Variants in KLHL1 observed in about 807,000 individuals in gnomAD.
The protein encoded by KLHL1 is kelch-like protein 1.
In KLHL1, 47 loss-of-function variants were observed where a neutral mutation model predicts 77.7. The ratio of observed to expected loss-of-function variants is 0.60; its 90% CI spans 0.48 to 0.77. The LOEUF is 0.77. Among genes scored for constraint, KLHL1 ranks in the 30% least tolerant of loss-of-function variants. KLHL1 has a pLI of 0.00. For synonymous variants in KLHL1, 360 were observed against 325.2 expected, an observed-to-expected ratio of 1.11 and a Z score of -1.15; for missense variants, 925 against 910.8, an observed-to-expected ratio of 1.02 and a Z score of -0.20.
At chr13:69,792,031 T>C (rs1876895952) in intron 7 of KLHL1, among the ~76,000 whole-genome samples, 1 of 152,156 alleles carries the variant, frequency 6.6e-6, no homozygotes, top group African/African-American at 2.4e-5. Flanking sequence ...ACCTAGGCGA[T>C]GGGTTGATAG....
At chr13:69,788,143 C>G in intron 7 of KLHL1, among the ~76,000 whole-genome samples, 2 of 152,212 alleles carry the variant, frequency 1.3e-5, no homozygotes. Context: ...CCATTTGACC[C>G]AGCCATCCCA....
intron 1 of KLHL1, among the ~76,000 whole-genome samples, chr13:70,016,018 T>C (rs567112065): frequency 7.8e-4 from 118 of 152,218 alleles, no homozygotes; most frequent in Non-Finnish European, 1.6e-3. Flanking sequence ...ATAGAAAGAT[T>C]AAAGGTTTTA....
intron 5 of KLHL1, among the ~76,000 whole-genome samples, chr13:69,865,579 G>A (rs187254063): frequency 1.3e-5 from 2 of 152,052 alleles, no homozygotes; most frequent in African/African-American, 4.8e-5. Context: ...AGATGTCACA[G>A]GAGTTTGGCA....
intron 1 of KLHL1, among the ~76,000 whole-genome samples, chr13:70,101,649 G>A (rs562963577): frequency 3.9e-5 from 6 of 151,906 alleles, no homozygotes; most frequent in South Asian, 2.1e-4. Flanking sequence ...GGCTGGTCTC[G>A]AACTCCTGAC....
intron 7 of KLHL1, among the ~76,000 whole-genome samples, chr13:69,778,099 A>C (rs185750129): frequency 6.6e-6 from 1 of 152,096 alleles, no homozygotes; most frequent in Non-Finnish European, 1.5e-5. Context: ...AGAAGATAGT[A>C]AAACAGTTAA....
chr13:69,739,240 C>T (rs1466604341), intron 8 of KLHL1, among the ~76,000 whole-genome samples: 1 of 152,144 alleles, frequency 6.6e-6, no homozygotes, highest in Non-Finnish European at 1.5e-5. Context: ...TTTGCAAGAG[C>T]TCCTGAAGGA....
chr13:69,906,229 T>C (rs1280219795), intron 4 of KLHL1, among the ~76,000 whole-genome samples: 1 of 152,082 alleles, frequency 6.6e-6, no homozygotes, highest in Non-Finnish European at 1.5e-5. Flanking sequence ...GAAGTGAAGC[T>C]ATTTCTGTGA....
intron 1 of KLHL1, among the ~76,000 whole-genome samples, chr13:70,092,365 T>C (rs941888979): frequency 6.6e-6 from 1 of 152,144 alleles, no homozygotes; most frequent in South Asian, 2.1e-4. Flanking sequence ...TTCATGTTGC[T>C]TACTCCATTT....
chr13:70,024,863 T>A (rs151142564), intron 1 of KLHL1, among the ~76,000 whole-genome samples: 1 of 151,806 alleles, frequency 6.6e-6, no homozygotes, highest in African/African-American at 2.4e-5. Flanking sequence ...ACCAGAAGAG[T>A]CTTCCTGTGC....
chr13:69,782,422 G>C (rs140725751), intron 7 of KLHL1, among the ~76,000 whole-genome samples: 3,518 of 152,300 alleles, frequency 0.023, 133 homozygotes, highest in African/African-American at 0.081. Context: ...TCAAAGAAAG[G>C]GGTGACAGAC....
chr13:69,778,240 C>T (rs79082600), intron 7 of KLHL1, among the ~76,000 whole-genome samples: 12,451 of 151,956 alleles, frequency 0.082, 574 homozygotes, highest in Non-Finnish European at 0.1. Flanking sequence ...ATATAATCTA[C>T]GATGTCCTTG....
chr13:69,753,448 G>A (rs1238884755), intron 7 of KLHL1, among the ~76,000 whole-genome samples: 2 of 152,124 alleles, frequency 1.3e-5, no homozygotes, highest in Non-Finnish European at 2.9e-5. Flanking sequence ...GAGGAGACAA[G>A]TGATGATGCT....
At chr13:69,800,922 G>T (rs1877348165) in intron 6 of KLHL1, among the ~76,000 whole-genome samples, 1 of 152,100 alleles carries the variant, frequency 6.6e-6, no homozygotes, top group Admixed American at 6.6e-5. Flanking sequence ...ACTTGGAAGG[G>T]ATTCAAAATG....
intron 2 of KLHL1, among the ~76,000 whole-genome samples, chr13:69,962,297 CA>C (rs1288348912): frequency 1.3e-5 from 2 of 151,890 alleles, no homozygotes; most frequent in African/African-American, 4.8e-5. Context: ...TTGAGAAATT[CA>C]TAGATTCATC....
At position 69,946,803 on chromosome 13, in the gene KLHL1, C is replaced by T. The variant is rs546073088; in HGVS notation, c.818-6567G>A. Among the ~76,000 whole-genome samples the T allele has an allele frequency of 9.9e-5, 15 of 152,150 alleles. No homozygotes were observed. The South Asian group carries it at 2.7e-3, about 27-fold the overall frequency. On this transcript the variant is annotated intron_variant, in intron 3 of 10. Coordinates refer to ENST00000377844, the MANE Select transcript of KLHL1 (RefSeq NM_020866.3). Reference sequence around the variant, plus strand: ...GTTGTGATTTACAGGCATGAGCTACCATGCCTGGCCAATAATTTTTCTGAA... The same window carrying T: ...GTTGTGATTTACAGGCATGAGCTACTATGCCTGGCCAATAATTTTTCTGAA...
chr13:70,011,102 T>C (rs1289162004), intron 1 of KLHL1, among the ~76,000 whole-genome samples: 1 of 152,048 alleles, frequency 6.6e-6, no homozygotes, highest in Non-Finnish European at 1.5e-5. Context: ...GATCACCCAA[T>C]GACTACCTGT....
intron 9 of KLHL1, among the ~76,000 whole-genome samples, chr13:69,718,082 A>T (rs1405331341): frequency 6.6e-6 from 1 of 152,164 alleles, no homozygotes; most frequent in East Asian, 1.9e-4. Flanking sequence ...TTAGAAAAAA[A>T]TGTCATAAAT....
At chr13:69,968,584 G>A in intron 2 of KLHL1, among the ~76,000 whole-genome samples, 1 of 151,106 alleles carries the variant, frequency 6.6e-6, no homozygotes, top group African/African-American at 2.4e-5. Flanking sequence ...TAAATTATTT[G>A]TTTTAAACAT....
chr13:70,051,910 A>G (rs1293154166), intron 1 of KLHL1, among the ~76,000 whole-genome samples: 1 of 151,500 alleles, frequency 6.6e-6, no homozygotes, highest in Non-Finnish European at 1.5e-5. Flanking sequence ...ATTTAAAGTA[A>G]AGATTTTTGT....
Sources: allele counts gnomAD v4.1 joint callset (sites outside exome capture counted in the v4.1 genomes callset), GRCh38; gene constraint gnomAD v4.1.1; transcripts MANE v1.5; gene names NCBI Gene and HGNC (gene_info 2026-07-23, HGNC 2026-07-21).